Variants in ZNF438 observed in about 807,000 individuals in gnomAD.
ZNF438 encodes zinc finger protein 438.
Under a neutral mutation model 38.0 loss-of-function variants are expected in ZNF438, and 25 were observed. The observed-to-expected ratio is 0.66, with a 90% CI of 0.48 to 0.92. The LOEUF (loss-of-function observed/expected upper bound fraction) is 0.92, where lower values mean the gene tolerates loss of function less well. ZNF438 is among the 40% of genes least tolerant of loss of function. The pLI is 0.00. For synonymous variants in ZNF438, 372 were observed against 364.1 expected (o/e 1.02, Z -0.25); for missense variants, 1,007 against 999.6 (o/e 1.01, Z -0.10).
chr10:30,854,496 T>C (rs2034271895), intron 4 of ZNF438, among the ~76,000 whole-genome samples: 1 of 151,980 alleles, frequency 6.6e-6, no homozygotes, highest in Non-Finnish European at 1.5e-5. Context: ...AAATAAATAA[T>C]TTAGAGGTTG....
Position 30,954,483 on chromosome 10 carries a change from T to C in ZNF438, c.-191-12832A>G, listed in dbSNP as rs563940886. On this transcript the variant is annotated intron_variant, in intron 1 of 5. Coordinates refer to ENST00000413025, the Ensembl canonical transcript of ZNF438. ...TACAGCATGGCTGTAAAACACCTTGTTGAGACTGAAAGACTAAAATCGTAT... is the reference window on the plus strand; with the variant it reads ...TACAGCATGGCTGTAAAACACCTTGCTGAGACTGAAAGACTAAAATCGTAT... Among the ~76,000 whole-genome samples, 67 of 152,320 alleles carry C rather than the reference T, an allele frequency of 4.4e-4. No individual in the cohort carries two copies. The South Asian group carries it at 0.012, about 28-fold the overall frequency.
intron 1 of ZNF438, among the ~76,000 whole-genome samples, chr10:30,972,860 T>G (rs1182428952): frequency 6.6e-6 from 1 of 152,190 alleles, no homozygotes; most frequent in East Asian, 1.9e-4. Context: ...TTACTGTAAC[T>G]TAATAGGGAA....
intron 1 of ZNF438, among the ~76,000 whole-genome samples, chr10:30,959,949 T>C (rs2049288625): frequency 6.8e-6 from 1 of 147,370 alleles, no homozygotes; most frequent in Non-Finnish European, 1.5e-5. Flanking sequence ...CTATATACTG[T>C]CTTTTTTATT....
chr10:30,914,522 C>A (rs1337330491), intron 2 of ZNF438, among the ~76,000 whole-genome samples: 2 of 151,930 alleles, frequency 1.3e-5, no homozygotes, highest in East Asian at 3.9e-4. Flanking sequence ...TGTTAATATC[C>A]TGGATGTTAC....
intron 2 of ZNF438, among the ~76,000 whole-genome samples, chr10:30,914,315 T>C (rs377073253): frequency 3.3e-5 from 5 of 151,544 alleles, no homozygotes; most frequent in African/African-American, 1.2e-4. Flanking sequence ...GGGACAGGGG[T>C]GGGAAGTGGG....
At chr10:30,976,187 G>A (rs2051323577) in intron 1 of ZNF438, among the ~76,000 whole-genome samples, 1 of 151,958 alleles carries the variant, frequency 6.6e-6, no homozygotes, top group African/African-American at 2.4e-5. Context: ...AAACAAGGAA[G>A]AATTTCAAAC....
rs370925348 is a variant in ZNF438, at chr10:30,987,174, G to C, written c.-192+44659C>G. ...ACAGGGTTAAAAAAATTGAACTAAG[G>C]CTGGGTGTGGTGGCTCACACCTGCA... On this transcript the variant is annotated intron_variant, in intron 1 of 5. Transcript: ENST00000413025. 2.2e-4 allele frequency among the ~76,000 whole-genome samples: 34 copies of C among 152,028 alleles called. 1 individual carries two copies. In the South Asian group the frequency reaches 6.9e-3, roughly 31 times the overall value.
intron 1 of ZNF438, among the ~76,000 whole-genome samples, chr10:31,020,783 T>C (rs1370451619): frequency 1.3e-5 from 2 of 151,304 alleles, no homozygotes; most frequent in Non-Finnish European, 2.9e-5. Flanking sequence ...ATATTATAAA[T>C]AATTTTATAA....
At chr10:30,961,253 AT>A (rs2049446179) in intron 1 of ZNF438, among the ~76,000 whole-genome samples, 1 of 110,344 alleles carries the variant, frequency 9.1e-6, no homozygotes, top group African/African-American at 3.1e-5. Flanking sequence ...AAAAAAAAAA[AT>A]TAAAAAAAAA....
chr10:30,975,553 A>G (rs1417849337), intron 1 of ZNF438, among the ~76,000 whole-genome samples: 1 of 152,178 alleles, frequency 6.6e-6, no homozygotes, highest in Non-Finnish European at 1.5e-5. Flanking sequence ...CAATAATCCT[A>G]AACATGTTCC....
chr10:31,029,133 T>C (rs1001195907), intron 1 of ZNF438, among the ~76,000 whole-genome samples: 4 of 152,202 alleles, frequency 2.6e-5, no homozygotes, highest in Non-Finnish European at 5.9e-5. Context: ...TAGGTTTGAA[T>C]CCTAGCTACA....
intron 1 of ZNF438, among the ~76,000 whole-genome samples, chr10:31,017,143 C>T (rs945710176): frequency 6.6e-6 from 1 of 152,146 alleles, no homozygotes; most frequent in African/African-American, 2.4e-5. Flanking sequence ...AAAAGAATAG[C>T]AAACACACAT....
intron 1 of ZNF438, among the ~76,000 whole-genome samples, chr10:30,977,551 A>C (rs576410812): frequency 6.6e-6 from 1 of 152,308 alleles, no homozygotes; most frequent in African/African-American, 2.4e-5. Context: ...GTCTTAACAG[A>C]GGTGATCTTA....
chr10:30,938,530 C>T (rs112215981), intron 2 of ZNF438, among the ~76,000 whole-genome samples: 27 of 152,274 alleles, frequency 1.8e-4, no homozygotes, highest in African/African-American at 6.0e-4. Context: ...CCCGCCTTGG[C>T]CTCCCAAAGT....
chr10:31,006,603 A>G (rs1387595541), intron 1 of ZNF438, among the ~76,000 whole-genome samples: 1 of 152,058 alleles, frequency 6.6e-6, no homozygotes, highest in Non-Finnish European at 1.5e-5. Context: ...TGGTTGTGGG[A>G]ACCCCAATTT....
intron 3 of ZNF438, among the ~76,000 whole-genome samples, chr10:30,883,588 T>C (rs1428611579): frequency 6.6e-6 from 1 of 152,184 alleles, no homozygotes; most frequent in Non-Finnish European, 1.5e-5. Flanking sequence ...GGGCTGGTTA[T>C]TGCCATATGC....
At chr10:30,934,418 G>C (rs1022810888) in intron 2 of ZNF438, among the ~76,000 whole-genome samples, 2 of 152,160 alleles carry the variant, frequency 1.3e-5, no homozygotes, top group African/African-American at 4.8e-5. Flanking sequence ...CATTTCTCAG[G>C]CTCACTGTCA....
chr10:30,901,699 C>A (rs1466482367), intron 3 of ZNF438, among the ~76,000 whole-genome samples: 2 of 151,252 alleles, frequency 1.3e-5, no homozygotes, highest in South Asian at 4.2e-4. Context: ...TGGCGATAGG[C>A]GATGGTCCCT....
chr10:30,848,622 T>G (rs200130701), exon 5 of ZNF438: 1 of 1,614,220 alleles, frequency 6.2e-7, no homozygotes, highest in East Asian at 2.2e-5. Flanking sequence ...GGCTCAGTGC[T>G]GATCACAACC....
Sources: gnomAD v4.1 joint callset for allele counts (sites outside exome capture counted in the v4.1 genomes callset) on GRCh38, gnomAD v4.1.1 for gene constraint, MANE v1.5 for transcripts, NCBI Gene and HGNC (gene_info 2026-07-23, HGNC 2026-07-21) for gene names.